Variants in TBCD observed in about 807,000 individuals in gnomAD.
TBCD encodes tubulin-specific chaperone D.
A neutral mutation model predicts 169.3 loss-of-function variants in TBCD; 105 were observed. The observed-to-expected ratio is 0.62, with a 90% confidence interval of 0.53 to 0.73. The LOEUF is 0.73. Among genes scored for constraint, TBCD ranks in the 30% least tolerant of loss-of-function variants. TBCD has a pLI of 0.00. For missense variants in TBCD, 1,444 were observed against 1,600.1 expected (o/e 0.90, Z 1.66); for synonymous variants, 700 against 643.9 (o/e 1.09, Z -1.32).
In TBCD at chr17:82,789,365, G is replaced by T. The variant is rs569084869; in HGVS notation, c.771+7644G>T. On this transcript the variant is annotated intron_variant, in intron 7 of 38. Coordinates refer to ENST00000355528, the MANE Select transcript of TBCD (RefSeq NM_005993.5). This position sits in a 1 kb window ranked among gnomAD's most constrained non-coding sequence, Gnocchi z 4.8. ...TGGCCCATCCCTGCTGAGGTGGCGC[G>T]ACCTGCTCACAGACGTGTGCTCACA... 1.3e-5 allele frequency among the ~76,000 whole-genome samples: 2 copies of T among 152,232 alleles called. No homozygotes were observed. Among genetic ancestry groups the T allele is most frequent in the South Asian group, 4.1e-4 (2 of 4,834 alleles).
chr17:82,850,076 T>TGCTGCTGTTG lies in TBCD; in HGVS notation c.1319-20144_1319-20143insCTGTTGGCTG, dbSNP rs1567887383. Among the ~76,000 whole-genome samples, 25 of 24,214 alleles carry TGCTGCTGTTG rather than the reference T, an allele frequency of 1.0e-3. 6 individuals are homozygous for TGCTGCTGTTG. The highest frequency in any genetic ancestry group is 8.7e-3 in the East Asian group (5 of 578). 15.9% of individuals were successfully genotyped at this position (24,214 alleles called of 152,430 possible). On this transcript the variant is annotated intron_variant, in intron 13 of 38. Transcript: ENST00000355528. Reference sequence around the variant, plus strand: ...TTGTTGGCTGTGCTGCTGTTGGCTGTGCTGTGCTGCTGTTGGCTGTGCTGC... The same window carrying TGCTGCTGTTG: ...TTGTTGGCTGTGCTGCTGTTGGCTGTGCTGCTGTTGGCTGTGCTGCTGTTGGCTGTGCTGC...
rs1161115777 is a variant in TBCD, at chr17:82,906,058, G to C, written c.1922+5G>C. On this transcript the variant is annotated splice_donor_5th_base_variant and intron_variant, in intron 20 of 38. Coordinates refer to ENST00000355528, the MANE Select transcript of TBCD (RefSeq NM_005993.5). Reference sequence around the variant, plus strand: ...ACTTGCAGCCCAAGAGAACAGGTAGGAAGAGTGGGTCTCGAGGAGACACAG... The same window carrying C: ...ACTTGCAGCCCAAGAGAACAGGTAGCAAGAGTGGGTCTCGAGGAGACACAG... 6.3e-7 allele frequency: 1 copy of C among 1,598,316 alleles called. No homozygotes were observed.
At chr17:82,886,539 T>C (rs1200419768) in intron 15 of TBCD, among the ~76,000 whole-genome samples, 2 of 151,808 alleles carry the variant, frequency 1.3e-5, no homozygotes, top group Non-Finnish European at 2.9e-5. Context: ...TGAGAAGATT[T>C]TAAATCTTTT....
intron 26 of TBCD, among the ~76,000 whole-genome samples, chr17:82,924,225 AT>A (rs952568190): frequency 2.0e-5 from 3 of 152,258 alleles, no homozygotes; most frequent in Non-Finnish European, 4.4e-5. Flanking sequence ...AAGTTCTGGG[AT>A]TACAGGTGTG....
intron 33 of TBCD, among the ~76,000 whole-genome samples, chr17:82,931,504 G>GTCGCTCATTCCGCCTTGCCGT (rs575278505): frequency 7.2e-5 from 11 of 152,130 alleles, no homozygotes; most frequent in Non-Finnish European, 8.8e-5. Context: ...CTCCGTGCCG[G>GTCGCTCATTCCGCCTTGCCGT]TCGCTCATTC....
rs367582658 is a variant in TBCD, at chr17:82,832,100, C to G, written c.1318+17166C>G. 6.2e-7 allele frequency: 1 copy of G among 1,614,220 alleles called. No homozygotes were observed. ...CCCAGGCACCTGTGGGTTCCCCGGG[C>G]TTGCAGCTCCAGGTTTTCCTTGATG... On this transcript the variant is annotated intron_variant, in intron 13 of 38. Transcript: ENST00000355528. The surrounding 1 kb of genome is among the most constrained non-coding windows in gnomAD (Gnocchi z 4.9).
chr17:82,789,410 AT>A lies in TBCD; in HGVS notation c.771+7690del, dbSNP rs555207384. Among the ~76,000 whole-genome samples, 175 of 152,354 alleles carry A rather than the reference AT, an allele frequency of 1.1e-3. No individual in the cohort carries two copies. Among genetic ancestry groups the A allele is most frequent in the African/African-American group, 4.0e-3 (166 of 41,590 alleles). On this transcript the variant is annotated intron_variant, in intron 7 of 38. Transcript: ENST00000355528. The surrounding 1 kb of genome is among the most constrained non-coding windows in gnomAD (Gnocchi z 4.8). ...CTCACAGGCAGCCCGTCGCGGGGTCATGTGCTAGACGGGGAGGGGGCTTGGC... is the reference window on the plus strand; with the variant it reads ...CTCACAGGCAGCCCGTCGCGGGGTCAGTGCTAGACGGGGAGGGGGCTTGGC...
intron 6 of TBCD, among the ~76,000 whole-genome samples, chr17:82,781,322 G>T (rs2048935050): frequency 6.7e-6 from 1 of 150,044 alleles, no homozygotes; most frequent in African/African-American, 2.4e-5. Context: ...GCAGGCGGGG[G>T]GGGATGGGCA....
intron 26 of TBCD, among the ~76,000 whole-genome samples, chr17:82,924,619 A>G (rs1047334532): frequency 1.3e-5 from 2 of 152,200 alleles, no homozygotes; most frequent in African/African-American, 4.8e-5. Context: ...TATAAAAATC[A>G]TGCATTAGCT....
Position 82,937,869 on chromosome 17 carries a change from T to C in TBCD, c.3282-180T>C, listed in dbSNP as rs3785520. 1,102,723 of 1,506,830 alleles carry C rather than the reference T, an allele frequency of 0.73. 406,212 individuals are homozygous for C. Among genetic ancestry groups the C allele is most frequent in the African/African-American group, 0.9 (65,102 of 72,568 alleles). The allele number at this position is 1,506,830 out of a possible 1,614,324, so 93.3% of individuals were successfully genotyped here. Reference sequence around the variant, plus strand: ...AGTGACTTTCCAAGTGCGACACTCGTGTGTGTAGGCACAGTGCAGATGTAC... The same window carrying C: ...AGTGACTTTCCAAGTGCGACACTCGCGTGTGTAGGCACAGTGCAGATGTAC... On this transcript the variant is annotated intron_variant, in intron 35 of 38. Transcript: ENST00000355528.
Position 82,889,547 on chromosome 17 carries a change from G to A in TBCD, c.1534-121G>A, listed in dbSNP as rs1263421811. On this transcript the variant is annotated intron_variant, in intron 15 of 38. Transcript: ENST00000355528. The surrounding 1 kb of genome is among the most constrained non-coding windows in gnomAD (Gnocchi z 5.3). ...GAGGCTCTGTTCAGCCAACAATGAG[G>A]GCTTTTATTTAAAAAATAAAGCCGT... The A allele has an allele frequency of 1.7e-6, 2 of 1,191,608 alleles. No individual in the cohort carries two copies. Among genetic ancestry groups the A allele is most frequent in the South Asian group, 1.3e-5 (1 of 74,416 alleles). 73.8% of individuals were successfully genotyped at this position (1,191,608 alleles called of 1,614,324 possible).
At chr17:82,861,911 GTCTTTTTTTTTTT>G (rs990995891) in intron 13 of TBCD, among the ~76,000 whole-genome samples, 22 of 151,272 alleles carry the variant, frequency 1.5e-4, no homozygotes, top group African/African-American at 5.1e-4. Context: ...AAACCTGAAG[GTCTTTTTTTTTTT>G]TCTTTTTTTT....
intron 12 of TBCD, among the ~76,000 whole-genome samples, chr17:82,813,385 T>C (rs1254938632): frequency 6.6e-6 from 1 of 152,110 alleles, no homozygotes; most frequent in African/African-American, 2.4e-5. Flanking sequence ...TGCCTTAAGC[T>C]TGGATCTGAG....
intron 17 of TBCD, 24 bp from the exon 18 acceptor site, chr17:82,900,627 A>G (rs1599370173): frequency 6.2e-7 from 1 of 1,604,306 alleles, no homozygotes; most frequent in African/African-American, 1.3e-5. Flanking sequence ...GCGTCTCACC[A>G]CCTCTCCATG....
chr17:82,925,598 T>G (rs1310424051), intron 27 of TBCD, among the ~76,000 whole-genome samples: 1 of 152,154 alleles, frequency 6.6e-6, no homozygotes, highest in Non-Finnish European at 1.5e-5. Context: ...GCCACTGGGT[T>G]CCCCACGCCC....
Position 82,831,921 on chromosome 17 carries a change from C to T in TBCD, c.1318+16987C>T, listed in dbSNP as rs200912015. On this transcript the variant is annotated intron_variant, in intron 13 of 38. Transcript: ENST00000355528. This position sits in a 1 kb window ranked among gnomAD's most constrained non-coding sequence, Gnocchi z 4.6. ...GGTTGTGTAAAGCCAGTGTCTCGGG[C>T]GCCTCGGCGTTGTCTGGCCCCTTGA... 72 of 1,614,010 alleles carry T rather than the reference C, an allele frequency of 4.5e-5. No homozygotes were observed. Among genetic ancestry groups the T allele is most frequent in the Admixed American group, 5.0e-5 (3 of 60,000 alleles).
At chr17:82,788,997 A>C (rs1432901533) in intron 7 of TBCD, among the ~76,000 whole-genome samples, 5 of 152,168 alleles carry the variant, frequency 3.3e-5, no homozygotes, top group African/African-American at 1.2e-4. Flanking sequence ...ACAGCACCCT[A>C]CTGTTTCATT....
rs1260051606 is a variant in TBCD at position 82,943,058 on chromosome 17, A to C, written c.*595A>C. ...AGCATCGTGCATGTGGCCCCTCTGC[A>C]GTGCAGGAGTCACTGATTGATGGGT... is the stretch of plus-strand genomic sequence containing the variant. On this transcript the variant is annotated 3_prime_UTR_variant, in exon 39 of 39. Transcript: ENST00000355528. 1 of 154,388 alleles carries C rather than the reference A, an allele frequency of 6.5e-6. No individual in the cohort carries two copies. The highest frequency in any genetic ancestry group is 1.4e-5 in the Non-Finnish European group (1 of 69,592). The allele number at this position is 154,388 out of a possible 1,614,324, so 9.6% of individuals were successfully genotyped here.
intron 32 of TBCD, chr17:82,929,765 G>A (rs1410097960): frequency 1.9e-5 from 11 of 590,426 alleles, no homozygotes; most frequent in African/African-American, 7.4e-5. Context: ...AGCTCCCAGC[G>A]TCCCCTCGGG....
Sources: gnomAD v4.1 joint callset for allele counts (sites outside exome capture counted in the v4.1 genomes callset) on GRCh38, gnomAD v4.1.1 for gene constraint, Gnocchi (gnomAD v3.1) non-coding constraint, MANE v1.5 for transcripts, NCBI Gene and HGNC (gene_info 2026-07-23, HGNC 2026-07-21) for gene names.